TRPM7: variants seen among roughly 807,000 people sequenced by gnomAD.
TRPM7 encodes the protein LTRPC ion channel family member 7.
Under a neutral mutation model 229.7 loss-of-function variants are expected in TRPM7, and 134 were observed. That is an observed-to-expected ratio of 0.58 (90% CI 0.51 to 0.67). The LOEUF is 0.67. Among genes scored for constraint, TRPM7 ranks in the 30% least tolerant of loss-of-function variants. The probability of loss-of-function intolerance (pLI) is 0.00; values close to 1 mark genes in which losing one functional copy is unlikely to be tolerated. For synonymous variants in TRPM7, 699 were observed against 715.2 expected, an observed-to-expected ratio of 0.98 and a Z score of 0.36; for missense variants, 1,901 against 2,210.0, an observed-to-expected ratio of 0.86 and a Z score of 2.80.
In TRPM7 at chr15:50,574,860, A is replaced by T. The variant is rs2054060084; in HGVS notation, c.5011T>A (p.Cys1671Ser). Residue 1671 changes from cysteine to serine, a missense_variant, in exon 34 of 39, where the codon TGT becomes AGT. Transcript: ENST00000646667. ...TATTCACTGACACTTACTCTCAGAC[A>T]GAGATGCAGAACTGTATCTTCTTTG... ...IYKEDTVLHL[C>S]LREIQQQRAA... The T allele has an allele frequency of 6.2e-7, 1 of 1,609,950 alleles. No individual in the cohort carries two copies.
rs749603151 is a variant in TRPM7 at position 50,570,156 on chromosome 15, C to T, written c.5309-1G>A. Reference sequence around the variant, plus strand: ...GGGTCAGTCAAATTTTCACCAACACCTTTATATGTGTATATAAAAAAGACA... The same window carrying T: ...GGGTCAGTCAAATTTTCACCAACACTTTTATATGTGTATATAAAAAAGACA... On this transcript the variant is annotated splice_acceptor_variant, in intron 36 of 38. Coordinates refer to ENST00000646667, the MANE Select transcript of TRPM7 (RefSeq NM_017672.6). LOFTEE classifies it high-confidence loss of function. 1.3e-6 allele frequency: 2 copies of T among 1,595,196 alleles called. No individual in the cohort carries two copies. Among genetic ancestry groups the T allele is most frequent in the African/African-American group, 1.3e-5 (1 of 74,346 alleles).
At chr15:50,677,488 C>A (rs2062119888) in intron 1 of TRPM7, among the ~76,000 whole-genome samples, 1 of 152,100 alleles carries the variant, frequency 6.6e-6, no homozygotes, top group South Asian at 2.1e-4. Context: ...CACCTATAAT[C>A]CCAGCACTTT....
At chr15:50,678,287 A>C (rs2062146742) in intron 1 of TRPM7, among the ~76,000 whole-genome samples, 1 of 150,626 alleles carries the variant, frequency 6.6e-6, no homozygotes, top group African/African-American at 2.4e-5. Context: ...AAAAACCAAC[A>C]CCTAGAAATT....
intron 29 of TRPM7, among the ~76,000 whole-genome samples, chr15:50,581,763 A>G (rs2054425623): frequency 6.6e-6 from 1 of 152,108 alleles, no homozygotes; most frequent in Non-Finnish European, 1.5e-5. Context: ...ATTTTGTAAA[A>G]TTCTAAACCA....
chr15:50,566,766 A>G (rs1296544981), intron 38 of TRPM7, among the ~76,000 whole-genome samples: 1 of 152,202 alleles, frequency 6.6e-6, no homozygotes, highest in Non-Finnish European at 1.5e-5. Context: ...TAGAAAAAGA[A>G]CAAACTACAC....
intron 26 of TRPM7, 27 bp from the exon 27 acceptor site, chr15:50,589,683 T>A: frequency 6.7e-7 from 1 of 1,496,170 alleles, no homozygotes; most frequent in East Asian, 2.3e-5. Flanking sequence ...GATGTTGCAA[T>A]GAGAAATTTT....
At chr15:50,684,947 ATT>A (rs1181372905) in intron 1 of TRPM7, among the ~76,000 whole-genome samples, 2 of 152,210 alleles carry the variant, frequency 1.3e-5, no homozygotes, top group Non-Finnish European at 2.9e-5. Context: ...GCAATTATTA[ATT>A]TTTAGGCATG....
In TRPM7 at chr15:50,560,436, C is replaced by T. The variant is rs1039165630; in HGVS notation, c.*1242G>A. ...TATTTAAACAGCTTATCATCTCTTG[C>T]CTTGTCTGTATCTATGAGATACACT... On this transcript the variant is annotated 3_prime_UTR_variant, in exon 39 of 39. Coordinates refer to ENST00000646667, the MANE Select transcript of TRPM7 (RefSeq NM_017672.6). The T allele has an allele frequency of 2.4e-4, 37 of 152,558 alleles. No homozygotes were observed. Among genetic ancestry groups the T allele is most frequent in the African/African-American group, 8.4e-4 (35 of 41,520 alleles). The allele number at this position is 152,558 out of a possible 1,614,324, so 9.5% of individuals were successfully genotyped here.
intron 12 of TRPM7, among the ~76,000 whole-genome samples, chr15:50,623,842 C>A (rs1359334569): frequency 6.7e-6 from 1 of 150,220 alleles, no homozygotes; most frequent in Non-Finnish European, 1.5e-5. Flanking sequence ...CTCCATTAGA[C>A]AACGGAGTCA....
intron 21 of TRPM7, among the ~76,000 whole-genome samples, chr15:50,603,085 A>T (rs1357031375): frequency 1.3e-5 from 2 of 152,206 alleles, no homozygotes; most frequent in Non-Finnish European, 2.9e-5. Flanking sequence ...ATACCATAAG[A>T]ATGCCAAAAT....
At position 50,560,597 on chromosome 15, in the gene TRPM7, G is replaced by A. The variant is rs962634996; in HGVS notation, c.*1081C>T. ...TAGATGAAAAGCTTTTCTTGTTATT[G>A]TTGAATATTCAACAATATCTGGGGC... On this transcript the variant is annotated 3_prime_UTR_variant, in exon 39 of 39. Transcript: ENST00000646667. 1 of 152,436 alleles carries A rather than the reference G, an allele frequency of 6.6e-6. No homozygotes were observed. Among genetic ancestry groups the A allele is most frequent in the African/African-American group, 2.4e-5 (1 of 41,380 alleles). 9.4% of individuals were successfully genotyped at this position (152,436 alleles called of 1,614,324 possible).
At chr15:50,605,319 C>T (rs1169674396) in intron 20 of TRPM7, among the ~76,000 whole-genome samples, 175 bp from the exon 21 acceptor site, 2 of 152,278 alleles carry the variant, frequency 1.3e-5, no homozygotes, top group East Asian at 3.9e-4. Context: ...GGCTCAATCT[C>T]GGCTCACTGC....
At chr15:50,635,634 G>A (rs1364135593) in intron 7 of TRPM7, among the ~76,000 whole-genome samples, 1 of 132,390 alleles carries the variant, frequency 7.6e-6, no homozygotes, top group Non-Finnish European at 1.5e-5. Context: ...CTGCACTCCA[G>A]CCTGAGCAAC....
In TRPM7 at chr15:50,574,662, G is replaced by A. The variant is rs752150505; in HGVS notation, c.5077C>T (p.Pro1693Ser). 1.2e-6 allele frequency: 2 copies of A among 1,613,694 alleles called. No individual in the cohort carries two copies. The highest frequency in any genetic ancestry group is 2.2e-5 in the East Asian group (1 of 44,836). Reference protein sequence around the residue: ...KLTFAFNQMKPKSIPYSPRFL... With the variant: ...KLTFAFNQMKSKSIPYSPRFL... ...CTTGGAGAATATGGTATGGATTTGG[G>A]TTTCATTTGATTAAAGGCAAACGTA... Residue 1693 changes from proline (P) to serine (S), a missense_variant, in exon 35 of 39, where the codon CCC (proline) becomes TCC (serine). This residue lies in a region of TRPM7 where 257 missense variants were observed against 352.0 expected (regional missense o/e 0.73). Transcript: ENST00000646667.
chr15:50,597,157 C>T (rs904207819), intron 22 of TRPM7, among the ~76,000 whole-genome samples: 9 of 152,046 alleles, frequency 5.9e-5, no homozygotes, highest in East Asian at 1.9e-4. Context: ...TCAATTATAC[C>T]GTGATTAGAT....
chr15:50,568,129 A>C (rs2053697808), intron 38 of TRPM7, among the ~76,000 whole-genome samples: 2 of 151,162 alleles, frequency 1.3e-5, no homozygotes, highest in Admixed American at 1.3e-4. Context: ...AAAAAAAAAA[A>C]AAACAAGGAG....
At chr15:50,628,412 T>G (rs2060630513) in intron 10 of TRPM7, among the ~76,000 whole-genome samples, 163 bp from the exon 11 acceptor site, 1 of 151,956 alleles carries the variant, frequency 6.6e-6, no homozygotes, top group African/African-American at 2.4e-5. Context: ...GGTTCAAGTG[T>G]ACCTCCCGCC....
chr15:50,557,832 C>CG lies in TRPM7; in HGVS notation c.*3845dup, dbSNP rs1309511405. On this transcript the variant is annotated 3_prime_UTR_variant, in exon 39 of 39. Coordinates refer to ENST00000646667, the MANE Select transcript of TRPM7 (RefSeq NM_017672.6). ...ATAATTTTTGTATTTTTAGTAGAGACGGGGTTTCACCATGTTGGCCAGGCT... is the reference window on the plus strand; with the variant it reads ...ATAATTTTTGTATTTTTAGTAGAGACGGGGGTTTCACCATGTTGGCCAGGCT... 6.6e-6 allele frequency: 1 copy of CG among 152,136 alleles called. No individual in the cohort carries two copies. The highest frequency in any genetic ancestry group is 2.4e-5 in the African/African-American group (1 of 41,412). The allele number at this position is 152,136 out of a possible 1,614,324, so 9.4% of individuals were successfully genotyped here.
intron 1 of TRPM7, among the ~76,000 whole-genome samples, chr15:50,685,204 T>C (rs1016112362): frequency 2.0e-5 from 3 of 152,222 alleles, no homozygotes; most frequent in Non-Finnish European, 4.4e-5. Flanking sequence ...GGCTCACGCC[T>C]GTAATCCCAG....
Sources: gnomAD v4.1 joint callset for allele counts (sites outside exome capture counted in the v4.1 genomes callset) on GRCh38, gnomAD v4.1.1 for gene constraint, gnomAD v4.1.1 regional missense constraint, MANE v1.5 for transcripts, NCBI Gene and HGNC (gene_info 2026-07-23, HGNC 2026-07-21) for gene names.